Variants in CTNNA1 observed in about 807,000 individuals in gnomAD.
CTNNA1 encodes catenin alpha-1.
In CTNNA1, 37 loss-of-function variants were observed where a neutral mutation model predicts 98.4. That is an observed-to-expected ratio of 0.38 (90% confidence interval 0.29 to 0.49). CTNNA1 has a LOEUF of 0.49. Among genes scored for constraint, CTNNA1 ranks in the 20% least tolerant of loss-of-function variants. The pLI is 0.95. For synonymous variants in CTNNA1, 404 were observed against 413.2 expected, an observed-to-expected ratio of 0.98 and a Z score of 0.27; for missense variants, 761 against 1,147.2, an observed-to-expected ratio of 0.66 and a Z score of 4.86.
chr5:138,759,633 A>C (rs909494225), intron 1 of CTNNA1, among the ~76,000 whole-genome samples: 2 of 152,184 alleles, frequency 1.3e-5, no homozygotes, highest in Non-Finnish European at 2.9e-5. Context: ...AGCAGCAATC[A>C]GCAATTAGAA....
At chr5:138,776,332 A>G (rs1296954074) in intron 1 of CTNNA1, among the ~76,000 whole-genome samples, 3 of 152,114 alleles carry the variant, frequency 2.0e-5, no homozygotes, top group African/African-American at 4.8e-5. Flanking sequence ...TGGACACACC[A>G]CATGTTTCAG....
chr5:138,930,470 C>G lies in CTNNA1; in HGVS notation c.2011-3C>G. 1.2e-6 allele frequency: 2 copies of G among 1,607,662 alleles called. No homozygotes were observed. Among genetic ancestry groups the G allele is most frequent in the Non-Finnish European group, 1.7e-6 (2 of 1,176,310 alleles). ...TAAGAGCTCTTTGTGCTTCTGATCA[C>G]AGGCGATCATGGCTCAGCTTCCCCA... On this transcript the variant is annotated splice_polypyrimidine_tract_variant and splice_region_variant and intron_variant, in intron 14 of 17. Coordinates refer to ENST00000302763, the MANE Select transcript of CTNNA1 (RefSeq NM_001903.5).
intron 7 of CTNNA1, among the ~76,000 whole-genome samples, chr5:138,841,416 C>A (rs1035730146): frequency 6.6e-6 from 1 of 152,040 alleles, no homozygotes; most frequent in Non-Finnish European, 1.5e-5. Flanking sequence ...CCCGCTACCA[C>A]GCCCGGCTAA....
chr5:138,767,662 G>GT (rs1339966313), intron 1 of CTNNA1, among the ~76,000 whole-genome samples: 10 of 152,132 alleles, frequency 6.6e-5, no homozygotes, highest in Admixed American at 6.5e-4. Context: ...AAAAGTTGAA[G>GT]TACAGTGAGT....
intron 3 of CTNNA1, among the ~76,000 whole-genome samples, chr5:138,788,464 A>G (rs374768326): frequency 6.6e-6 from 1 of 152,180 alleles, no homozygotes; most frequent in African/African-American, 2.4e-5. Flanking sequence ...AAAATCACCC[A>G]TTTAAAGTAT....
intron 7 of CTNNA1, among the ~76,000 whole-genome samples, chr5:138,859,231 A>G (rs1314099646): frequency 6.6e-6 from 1 of 152,214 alleles, no homozygotes; most frequent in African/African-American, 2.4e-5. Flanking sequence ...GACTTGTTCA[A>G]GTGGCTTTGA....
chr5:138,855,876 A>G (rs927802957), intron 7 of CTNNA1, among the ~76,000 whole-genome samples: 2 of 152,314 alleles, frequency 1.3e-5, no homozygotes, highest in African/African-American at 4.8e-5. Flanking sequence ...GAAAATGTGA[A>G]AAGAAATGTA....
chr5:138,771,556 T>C (rs1753558281), intron 1 of CTNNA1, among the ~76,000 whole-genome samples: 1 of 152,098 alleles, frequency 6.6e-6, no homozygotes, highest in Admixed American at 6.6e-5. Flanking sequence ...TTTTTCTTTT[T>C]AAAAGTTGTT....
rs575456664 is a variant in CTNNA1 at position 138,878,863 on chromosome 5, T to C, written c.1063-7349T>C. Among the ~76,000 whole-genome samples the C allele has an allele frequency of 1.4e-4, 22 of 152,216 alleles. No individual in the cohort carries two copies. In the South Asian group the frequency reaches 4.4e-3, roughly 30 times the overall value. ...CACCAAAGTGTTGCCCAGAGGTGTT[T>C]TGGAGGAGCATGTTAAAATAAACCT... On this transcript the variant is annotated intron_variant, in intron 7 of 17. Transcript: ENST00000302763.
intron 6 of CTNNA1, among the ~76,000 whole-genome samples, chr5:138,825,178 A>T (rs181725840): frequency 2.0e-4 from 30 of 152,292 alleles, no homozygotes; most frequent in Admixed American, 6.5e-4. Context: ...CTCGTGGTCT[A>T]TTGGGAGATA....
intron 15 of CTNNA1, 29 bp downstream of exon 15, chr5:138,930,683 G>A (rs1765108579): frequency 1.9e-6 from 3 of 1,599,780 alleles, no homozygotes; most frequent in Non-Finnish European, 2.6e-6. Flanking sequence ...CCACCAGGCT[G>A]CACAGGGGCT....
chr5:138,849,106 GT>G (rs1762975654), intron 7 of CTNNA1, among the ~76,000 whole-genome samples: 1 of 152,184 alleles, frequency 6.6e-6, no homozygotes, highest in Admixed American at 6.5e-5. Flanking sequence ...TCTGAATTGA[GT>G]TTTGTATAGG....
At chr5:138,766,870 T>A (rs145107553) in intron 1 of CTNNA1, among the ~76,000 whole-genome samples, 2 of 151,764 alleles carry the variant, frequency 1.3e-5, no homozygotes, top group Non-Finnish European at 2.9e-5. Context: ...CGGGAAGAGG[T>A]GGGGTTTGCT....
intron 16 of CTNNA1, chr5:138,931,538 C>G (rs1765325538): frequency 1.1e-6 from 1 of 951,760 alleles, no homozygotes; most frequent in African/African-American, 1.8e-5. Context: ...TTACACAAGC[C>G]AAAGATTGTA....
chr5:138,774,286 A>G (rs1198292310), intron 1 of CTNNA1, among the ~76,000 whole-genome samples: 1 of 151,920 alleles, frequency 6.6e-6, no homozygotes, highest in African/African-American at 2.4e-5. Flanking sequence ...TGGCCTCCCA[A>G]AGTGCTGGGA....
In CTNNA1 at chr5:138,908,139, G is replaced by A. The variant is rs538787013; in HGVS notation, c.1389+3698G>A. Among the ~76,000 whole-genome samples the A allele has an allele frequency of 7.9e-5, 12 of 152,108 alleles. No homozygotes were observed. The South Asian group carries it at 2.1e-3, about 26-fold the overall frequency. On this transcript the variant is annotated intron_variant, in intron 10 of 17. Transcript: ENST00000302763. ...ACTACAGGTGCCTGCCACCACGCCC[G>A]GCTAATTTTTGTATTTTTTAGTAGA...
At chr5:138,914,159 C>T (rs571245843) in intron 10 of CTNNA1, among the ~76,000 whole-genome samples, 6 of 152,152 alleles carry the variant, frequency 3.9e-5, no homozygotes, top group African/African-American at 7.2e-5. Flanking sequence ...ATACTGTATG[C>T]GATATATTAC....
At chr5:138,784,071 C>A (rs1755419805) in intron 3 of CTNNA1, among the ~76,000 whole-genome samples, 1 of 152,092 alleles carries the variant, frequency 6.6e-6, no homozygotes. Context: ...TTGAAACCTG[C>A]AGTTTTTATT....
intron 3 of CTNNA1, among the ~76,000 whole-genome samples, 153 bp downstream of exon 3, chr5:138,783,525 C>T (rs529668920): frequency 2.8e-4 from 42 of 152,048 alleles, no homozygotes; most frequent in South Asian, 1.7e-3. Flanking sequence ...GTTGGACTGG[C>T]TCATATTTTA....
Sources: gnomAD v4.1 joint callset for allele counts (sites outside exome capture counted in the v4.1 genomes callset) on GRCh38, gnomAD v4.1.1 for gene constraint, MANE v1.5 for transcripts, NCBI Gene and HGNC (gene_info 2026-07-23, HGNC 2026-07-21) for gene names.